KCTD15: variants seen among roughly 807,000 people sequenced by gnomAD.
The protein encoded by KCTD15 is BTB/POZ domain-containing protein KCTD15.
A neutral mutation model predicts 27.2 loss-of-function variants in KCTD15; 11 were observed. That is an observed-to-expected ratio of 0.41 (90% CI 0.25 to 0.67). KCTD15 has a LOEUF of 0.67. KCTD15 is among the 30% of genes least tolerant of loss of function. The pLI is 0.35. For missense variants in KCTD15, 350 were observed against 409.3 expected (o/e 0.86, Z 1.25); for synonymous variants, 163 against 176.0 (o/e 0.93, Z 0.58).
At chr19:33,811,579 C>A in intron 6 of KCTD15, 27 bp downstream of exon 6, 2 of 1,574,498 alleles carry the variant, frequency 1.3e-6, no homozygotes, top group Non-Finnish European at 8.6e-7. Flanking sequence ...GCCCCCTCCC[C>A]GCCGCACCCC....
intron 6 of KCTD15, chr19:33,812,413 G>A (rs1288615440): frequency 1.9e-6 from 2 of 1,051,342 alleles, no homozygotes; most frequent in African/African-American, 1.7e-5. Flanking sequence ...TATTGGGGCA[G>A]GACTCAGGGA....
intron 5 of KCTD15, 64 bp from the exon 6 acceptor site, chr19:33,811,183 C>CCA: frequency 1.2e-6 from 1 of 833,772 alleles, no homozygotes; most frequent in Non-Finnish European, 1.8e-6. Flanking sequence ...CGCCTCCCCT[C>CCA]TCCCCCTTCC....
chr19:33,813,201 C>T lies in KCTD15; in HGVS notation c.*253C>T, dbSNP rs1185489282. On this transcript the variant is annotated 3_prime_UTR_variant, in exon 7 of 7. Coordinates refer to ENST00000683859, the MANE Select transcript of KCTD15 (RefSeq NM_001129994.2). ...TCTCTGCTGCCAGCTCTCCCAGCCCCTCAGCTTCGCAGCCTGGCGCAGCAT... is the reference window on the plus strand; with the variant it reads ...TCTCTGCTGCCAGCTCTCCCAGCCCTTCAGCTTCGCAGCCTGGCGCAGCAT... 1 of 631,372 alleles carries T rather than the reference C, an allele frequency of 1.6e-6. No individual in the cohort carries two copies. The highest frequency in any genetic ancestry group is 2.3e-5 in the Admixed American group (1 of 42,648). 39.1% of individuals were successfully genotyped at this position (631,372 alleles called of 1,614,324 possible).
At chr19:33,797,326 G>C in intron 1 of KCTD15, 1 of 420,552 alleles carries the variant, frequency 2.4e-6, no homozygotes, top group South Asian at 1.6e-5. Context: ...CCGCACTCTG[G>C]CCCCTGTTCT....
rs1169011648 is a variant in KCTD15 at position 33,815,403 on chromosome 19, C to CCTTTAAAAATG, written c.*2462_*2463insAATGCTTTAAA. The CCTTTAAAAATG allele has an allele frequency of 6.6e-6, 1 of 152,014 alleles. No individual in the cohort carries two copies. The highest frequency in any genetic ancestry group is 1.5e-5 in the Non-Finnish European group (1 of 68,036). The allele number at this position is 152,014 out of a possible 1,614,324, so 9.4% of individuals were successfully genotyped here. ...TAAACAGTAAGTACAAATTATCATT[C>CCTTTAAAAATG]CTTTAAAGCATTTTTACACTTCCTG... is the stretch of plus-strand genomic sequence containing the variant. On this transcript the variant is annotated 3_prime_UTR_variant, in exon 7 of 7. Transcript: ENST00000683859.
At chr19:33,812,470 T>A in intron 6 of KCTD15, 3 of 1,150,634 alleles carry the variant, frequency 2.6e-6, no homozygotes, top group Non-Finnish European at 3.2e-6. Flanking sequence ...GGTTACACCC[T>A]ACAGAATAAA....
At chr19:33,799,440 G>A (rs1036705199) in intron 2 of KCTD15, among the ~76,000 whole-genome samples, 2 of 152,198 alleles carry the variant, frequency 1.3e-5, no homozygotes, top group South Asian at 2.1e-4. Context: ...TGTGTGAAGG[G>A]GGGTGACTAT....
Position 33,813,203 on chromosome 19 carries a change from C to T in KCTD15, c.*255C>T, listed in dbSNP as rs556402038. 2 of 632,832 alleles carry T rather than the reference C, an allele frequency of 3.2e-6. No homozygotes were observed. Among genetic ancestry groups the T allele is most frequent in the South Asian group, 3.4e-5 (2 of 58,614 alleles). The allele number at this position is 632,832 out of a possible 1,614,324, so 39.2% of individuals were successfully genotyped here. On this transcript the variant is annotated 3_prime_UTR_variant, in exon 7 of 7. Coordinates refer to ENST00000683859, the MANE Select transcript of KCTD15 (RefSeq NM_001129994.2). ...TCTGCTGCCAGCTCTCCCAGCCCCT[C>T]AGCTTCGCAGCCTGGCGCAGCATCC...
intron 4 of KCTD15, among the ~76,000 whole-genome samples, chr19:33,802,702 T>C (rs1395604254): frequency 6.6e-6 from 1 of 152,160 alleles, no homozygotes; most frequent in Non-Finnish European, 1.5e-5. Context: ...GGATGGGAGA[T>C]AGATTCTGCT....
At chr19:33,794,841 G>T (rs1975268040), upstream of KCTD15, among the ~76,000 whole-genome samples, 1 of 152,260 alleles carries the variant, frequency 6.6e-6, no homozygotes, top group Non-Finnish European at 1.5e-5. Flanking sequence ...TCGTGCTTGG[G>T]ACAGTCGGCC....
intron 5 of KCTD15, among the ~76,000 whole-genome samples, chr19:33,808,233 C>G (rs1325103767): frequency 6.6e-6 from 1 of 152,200 alleles, no homozygotes; most frequent in Non-Finnish European, 1.5e-5. Context: ...GACCAGTAGC[C>G]CTGGGGCCTT....
intron 1 of KCTD15, among the ~76,000 whole-genome samples, chr19:33,798,091 G>C (rs891371180): frequency 3.3e-5 from 5 of 151,202 alleles, no homozygotes; most frequent in African/African-American, 7.3e-5. Flanking sequence ...GAGGCGGGAG[G>C]GGGGGGGTGG....
chr19:33,812,411 C>T lies in KCTD15; in HGVS notation c.694-379C>T, dbSNP rs530432365. 8 of 1,049,408 alleles carry T rather than the reference C, an allele frequency of 7.6e-6. No homozygotes were observed. In the South Asian group the frequency reaches 3.2e-4, roughly 41 times the overall value. 65.0% of individuals were successfully genotyped at this position (1,049,408 alleles called of 1,614,324 possible). On this transcript the variant is annotated intron_variant, in intron 6 of 6. Coordinates refer to ENST00000683859, the MANE Select transcript of KCTD15 (RefSeq NM_001129994.2). ...GACAGGGAACTCTCCATTATTGGGG[C>T]AGGACTCAGGGAGGACACTTGGGGC...
chr19:33,796,651 G>T, upstream of KCTD15: 1 of 151,836 alleles, frequency 6.6e-6, no homozygotes, highest in South Asian at 1.8e-4. Flanking sequence ...AGAGAGAGGA[G>T]GGAGGAGAGG....
rs886700972 is a variant in KCTD15, at chr19:33,801,442, C to T, written c.242+100C>T. Reference sequence around the variant, plus strand: ...GGGTCTCTCCCCACTGTCACTCCACCCACCAGGGTCTCCAGGGTGCACAAG... The same window carrying T: ...GGGTCTCTCCCCACTGTCACTCCACTCACCAGGGTCTCCAGGGTGCACAAG... On this transcript the variant is annotated intron_variant, in intron 4 of 6. Transcript: ENST00000683859. The T allele has an allele frequency of 1.4e-5, 15 of 1,051,668 alleles. No individual in the cohort carries two copies. In the African/African-American group the frequency reaches 2.4e-4, roughly 17 times the overall value. The allele number at this position is 1,051,668 out of a possible 1,614,324, so 65.1% of individuals were successfully genotyped here.
At chr19:33,804,967 T>C (rs1463664675) in intron 4 of KCTD15, among the ~76,000 whole-genome samples, 1 of 152,180 alleles carries the variant, frequency 6.6e-6, no homozygotes, top group Non-Finnish European at 1.5e-5. Context: ...TTGTCTTTCT[T>C]GGCCAGGCTG....
At chr19:33,803,874 C>T (rs1371500199) in intron 4 of KCTD15, among the ~76,000 whole-genome samples, 5 of 152,040 alleles carry the variant, frequency 3.3e-5, no homozygotes, top group Non-Finnish European at 2.9e-5. Context: ...AACGAGAAGA[C>T]GAAGGCCATC....
intron 5 of KCTD15, 82 bp downstream of exon 5, chr19:33,807,089 C>A: frequency 6.9e-7 from 1 of 1,451,564 alleles, no homozygotes; most frequent in Non-Finnish European, 9.3e-7. Flanking sequence ...TAAGTGGACC[C>A]CTGGTTGTCA....
In KCTD15 at chr19:33,806,852, G is replaced by C. The variant is rs746263781; in HGVS notation, c.243-11G>C. The C allele has an allele frequency of 9.9e-6, 16 of 1,612,760 alleles. No homozygotes were observed. The highest frequency in any genetic ancestry group is 1.3e-5 in the African/African-American group (1 of 74,908). On this transcript the variant is annotated splice_polypyrimidine_tract_variant and intron_variant, in intron 4 of 6. Coordinates refer to ENST00000683859, the MANE Select transcript of KCTD15 (RefSeq NM_001129994.2). ...TCCCTTCAGACATCCCACCTCGCCT[G>C]TCTCTCCCAGGATAAGCCGCCTCTT...
Sources: gnomAD v4.1 joint callset for allele counts (sites outside exome capture counted in the v4.1 genomes callset) on GRCh38, gnomAD v4.1.1 for gene constraint, MANE v1.5 for transcripts, NCBI Gene and HGNC (gene_info 2026-07-23, HGNC 2026-07-21) for gene names.